Variants in FBXO6 observed in about 807,000 individuals in gnomAD.
The protein encoded by FBXO6 is F-box only protein 6.
In FBXO6, 13 loss-of-function variants were observed where a neutral mutation model predicts 25.0. The ratio of observed to expected loss-of-function variants is 0.52; its 90% CI spans 0.34 to 0.83. FBXO6 has a LOEUF of 0.83. Among genes scored for constraint, FBXO6 ranks in the 40% least tolerant of loss-of-function variants. FBXO6 has a pLI of 0.02. For synonymous variants in FBXO6, 138 were observed against 155.3 expected (o/e 0.89, Z 0.83); for missense variants, 370 against 380.2 (o/e 0.97, Z 0.22).
At chr1:11,665,690 A>T (rs145692708) in intron 1 of FBXO6, among the ~76,000 whole-genome samples, 19,239 of 148,082 alleles carry the variant, frequency 0.13, 1,842 homozygotes, top group African/African-American at 0.26. Context: ...CCTCCCGAGT[A>T]GCTGGGACTA....
At chr1:11,669,043 A>C in intron 2 of FBXO6, 99 bp downstream of exon 2, 1 of 1,408,378 alleles carries the variant, frequency 7.1e-7, no homozygotes, top group African/African-American at 1.4e-5. Context: ...ATATTCTCTA[A>C]CCCTAAACAC....
chr1:11,672,201 AC>A, intron 4 of FBXO6, 178 bp downstream of exon 4: 1 of 603,646 alleles, frequency 1.7e-6, no homozygotes, highest in South Asian at 1.9e-5. Flanking sequence ...TGGCCTCCCC[AC>A]CACCCTGTGA....
chr1:11,673,381 T>C lies in FBXO6; in HGVS notation c.614T>C (p.Ile205Thr), dbSNP rs761633595. 1 of 1,614,004 alleles carries C rather than the reference T, an allele frequency of 6.2e-7. No homozygotes were observed. Among genetic ancestry groups the C allele is most frequent in the Admixed American group, 1.7e-5 (1 of 60,020 alleles). Residue 205 changes from isoleucine (I) to threonine (T), a missense_variant, in exon 5 of 6, where the codon ATC (isoleucine) becomes ACC (threonine). Ile to Thr is a moderately conservative substitution (Grantham distance 89). Coordinates refer to ENST00000376753, the MANE Select transcript of FBXO6 (RefSeq NM_018438.6). This position sits in a 1 kb window ranked among gnomAD's most constrained non-coding sequence, Gnocchi z 4.3. ...TCCTTCGAGCCCCCACCTGTGACCA[T>C]CCAACAGTGGAACAATGCCACATGG... ...LASFEPPPVTIQQWNNATWTE... is the reference protein window; with the variant it reads ...LASFEPPPVTTQQWNNATWTE...
intron 2 of FBXO6, 130 bp downstream of exon 2, chr1:11,669,074 C>G (rs953170822): frequency 8.1e-7 from 1 of 1,230,698 alleles, no homozygotes. Context: ...TCCTTGGTTC[C>G]TTCTCATTCT....
rs755642141 is a variant in FBXO6, at chr1:11,673,329, G to C, written c.562G>C (p.Ala188Pro). The C allele has an allele frequency of 2.5e-6, 4 of 1,614,070 alleles. No individual in the cohort carries two copies. Among genetic ancestry groups the C allele is most frequent in the Non-Finnish European group, 3.4e-6 (4 of 1,180,004 alleles). Residue 188 changes from alanine to proline, a missense_variant, in exon 5 of 6, where the codon GCC becomes CCC. Coordinates refer to ENST00000376753, the MANE Select transcript of FBXO6 (RefSeq NM_018438.6). This position sits in a 1 kb window ranked among gnomAD's most constrained non-coding sequence, Gnocchi z 4.3. ...GCTYQLKVQL[A>P]SADYFVLASF... is the part of the protein sequence containing the mutation. ...CACCTACCAACTCAAAGTGCAGCTG[G>C]CCTCGGCTGACTACTTCGTGTTGGC... is the stretch of plus-strand genomic sequence containing the variant.
chr1:11,667,430 G>T (rs535103405), intron 1 of FBXO6, among the ~76,000 whole-genome samples: 147 of 152,336 alleles, frequency 9.6e-4, no homozygotes, highest in Non-Finnish European at 1.9e-3. Context: ...GGACAGTGTT[G>T]AGAGCCGGTT....
At chr1:11,671,177 C>T (rs1345287198) in intron 2 of FBXO6, 89 bp from the exon 3 acceptor site, 5 of 1,542,218 alleles carry the variant, frequency 3.2e-6, no homozygotes, top group Admixed American at 1.8e-5. Flanking sequence ...ACGCCAACCA[C>T]CCTCCCTCCC....
At chr1:11,667,276 C>T (rs887286843) in intron 1 of FBXO6, among the ~76,000 whole-genome samples, 8 of 152,156 alleles carry the variant, frequency 5.3e-5, no homozygotes, top group African/African-American at 1.7e-4. Context: ...CCCTGGCTGC[C>T]GGCCAACCCC....
At chr1:11,668,555 C>T (rs1640510248) in intron 1 of FBXO6, 101 bp from the exon 2 acceptor site, 5 of 1,441,524 alleles carry the variant, frequency 3.5e-6, no homozygotes, top group South Asian at 1.3e-5. Context: ...TGCCACCACA[C>T]CTGGCTAATG....
At chr1:11,667,084 T>C (rs1477567812) in intron 1 of FBXO6, among the ~76,000 whole-genome samples, 3 of 150,844 alleles carry the variant, frequency 2.0e-5, no homozygotes, top group Admixed American at 1.3e-4. Flanking sequence ...GAGGTGGAGA[T>C]TGCAGTGAGC....
intron 1 of FBXO6, among the ~76,000 whole-genome samples, chr1:11,667,844 G>C (rs555821401): frequency 1.1e-4 from 17 of 152,300 alleles, no homozygotes; most frequent in Admixed American, 2.6e-4. Context: ...TGTAATCCCA[G>C]CACTTTGGGA....
At chr1:11,669,566 G>A (rs1428194764) in intron 2 of FBXO6, among the ~76,000 whole-genome samples, 1 of 147,206 alleles carries the variant, frequency 6.8e-6, no homozygotes, top group Non-Finnish European at 1.5e-5. Context: ...CCACACTATA[G>A]CATCCACAGT....
intron 1 of FBXO6, among the ~76,000 whole-genome samples, chr1:11,665,717 C>T (rs1284508116): frequency 1.3e-5 from 2 of 151,660 alleles, no homozygotes; most frequent in Non-Finnish European, 2.9e-5. Context: ...TCCGCCACCA[C>T]GCCCAGCTAA....
chr1:11,667,660 G>A (rs2100687813), intron 1 of FBXO6, among the ~76,000 whole-genome samples: 1 of 152,194 alleles, frequency 6.6e-6, no homozygotes, highest in Middle Eastern at 3.4e-3. Context: ...AGCTCAGCCG[G>A]GTGCCGTGGG....
intron 2 of FBXO6, among the ~76,000 whole-genome samples, chr1:11,669,663 C>CGTATATAT (rs1553167064): frequency 1.1e-4 from 14 of 124,624 alleles, no homozygotes; most frequent in African/African-American, 2.1e-4. Flanking sequence ...TACATATACA[C>CGTATATAT]ATGTATATAT....
chr1:11,667,635 C>G (rs903506506), intron 1 of FBXO6, among the ~76,000 whole-genome samples: 2 of 151,952 alleles, frequency 1.3e-5, no homozygotes, highest in African/African-American at 4.8e-5. Context: ...TGGATTCTGG[C>G]CTGACACCAA....
intron 1 of FBXO6, among the ~76,000 whole-genome samples, chr1:11,667,768 T>G (rs553444222): frequency 3.3e-5 from 5 of 152,288 alleles, no homozygotes; most frequent in African/African-American, 1.2e-4. Context: ...CACCACTAAA[T>G]GAACATTAAT....
At chr1:11,669,917 G>A (rs1391652640) in intron 2 of FBXO6, among the ~76,000 whole-genome samples, 23 of 142,072 alleles carry the variant, frequency 1.6e-4, no homozygotes, top group Admixed American at 1.4e-3. Flanking sequence ...GATTACAGGC[G>A]TGAGCCACCA....
chr1:11,664,647 G>A (rs1448864418), intron 1 of FBXO6: 1 of 152,182 alleles, frequency 6.6e-6, no homozygotes, highest in African/African-American at 2.4e-5. Flanking sequence ...CGGGTTCGGA[G>A]AACTGTCAAG....
Sources: gnomAD v4.1 joint callset for allele counts (sites outside exome capture counted in the v4.1 genomes callset) on GRCh38, gnomAD v4.1.1 for gene constraint, Gnocchi (gnomAD v3.1) non-coding constraint, MANE v1.5 for transcripts, NCBI Gene and HGNC (gene_info 2026-07-23, HGNC 2026-07-21) for gene names.